Variants in CSGALNACT1 observed in about 807,000 individuals in gnomAD.
CSGALNACT1 encodes chondroitin sulfate N-acetylgalactosaminyltransferase 1.
A neutral mutation model predicts 51.0 loss-of-function variants in CSGALNACT1; 52 were observed. The ratio of observed to expected loss-of-function variants is 1.02; its 90% confidence interval spans 0.82 to 1.29. The LOEUF (loss-of-function observed/expected upper bound fraction) is 1.29, where lower values mean the gene tolerates loss of function less well. CSGALNACT1 is among the 50% of genes most tolerant of loss of function. CSGALNACT1 has a pLI of 0.00. For synonymous variants in CSGALNACT1, 341 were observed against 254.4 expected (o/e 1.34, Z -3.24); for missense variants, 935 against 679.2 (o/e 1.38, Z -4.19).
chr8:19,437,578 A>C (rs2060583207), intron 6 of CSGALNACT1, among the ~76,000 whole-genome samples: 1 of 152,176 alleles, frequency 6.6e-6, no homozygotes. Flanking sequence ...TACAGATATC[A>C]CTGGTTAACA....
chr8:19,608,890 A>G (rs1016619885), intron 1 of CSGALNACT1, among the ~76,000 whole-genome samples: 2 of 152,230 alleles, frequency 1.3e-5, no homozygotes, highest in Non-Finnish European at 2.9e-5. Flanking sequence ...GAATGTCAAC[A>G]GTTGAGAGAT....
intron 3 of CSGALNACT1, among the ~76,000 whole-genome samples, chr8:19,520,219 T>G (rs983662780): frequency 6.6e-6 from 1 of 152,254 alleles, no homozygotes; most frequent in Non-Finnish European, 1.5e-5. Flanking sequence ...TGCAGAATTA[T>G]TTTAGAAACT....
chr8:19,445,191 C>A (rs866544870), intron 5 of CSGALNACT1, among the ~76,000 whole-genome samples: 1 of 152,200 alleles, frequency 6.6e-6, no homozygotes, highest in Middle Eastern at 3.2e-3. Context: ...ATCCTCTGTA[C>A]ATAAAAGATC....
At chr8:19,471,724 G>T (rs964151017) in intron 4 of CSGALNACT1, among the ~76,000 whole-genome samples, 1 of 152,178 alleles carries the variant, frequency 6.6e-6, no homozygotes, top group Admixed American at 6.5e-5. Context: ...GACAGGAAAG[G>T]GTGAAAGCTT....
chr8:19,464,186 T>G (rs1563543896), intron 4 of CSGALNACT1, among the ~76,000 whole-genome samples: 1 of 152,174 alleles, frequency 6.6e-6, no homozygotes, highest in Non-Finnish European at 1.5e-5. Flanking sequence ...GTCTCCACAT[T>G]CATCCCTGCC....
At chr8:19,628,352 C>T (rs1471413255) in intron 1 of CSGALNACT1, among the ~76,000 whole-genome samples, 3 of 152,184 alleles carry the variant, frequency 2.0e-5, no homozygotes, top group African/African-American at 7.2e-5. Context: ...ACTTTTAAGA[C>T]CATCAGCTCT....
chr8:19,470,080 T>C (rs750407588), intron 4 of CSGALNACT1, among the ~76,000 whole-genome samples: 4 of 151,854 alleles, frequency 2.6e-5, no homozygotes, highest in Admixed American at 6.6e-5. Context: ...AAGGAACAAA[T>C]AGAAATGGAT....
At chr8:19,667,029 AAG>A (rs1564386738) in intron 1 of CSGALNACT1, among the ~76,000 whole-genome samples, 1 of 37,958 alleles carries the variant, frequency 2.6e-5, no homozygotes, top group African/African-American at 1.8e-4. Context: ...GGAAGGAAGG[AAG>A]GAAGGAAGGA....
At position 19,488,071 on chromosome 8, in the gene CSGALNACT1, T is replaced by A. The variant is rs371005107; in HGVS notation, c.634+17130A>T. Among the ~76,000 whole-genome samples the A allele has an allele frequency of 5.9e-5, 9 of 152,174 alleles. No individual in the cohort carries two copies. In the East Asian group the frequency reaches 1.7e-3, roughly 30 times the overall value. ...TAATCATAGTATTAGTACAGGGGGC[T>A]GGGCTCAGTGGCTCATGCCTGTAAT... On this transcript the variant is annotated intron_variant, in intron 4 of 9. Transcript: ENST00000454498.
intron 4 of CSGALNACT1, among the ~76,000 whole-genome samples, chr8:19,499,810 T>A (rs772301799): frequency 1.3e-5 from 2 of 152,218 alleles, no homozygotes; most frequent in African/African-American, 4.8e-5. Flanking sequence ...ATTAAGAATG[T>A]CAATTCTGAG....
intron 4 of CSGALNACT1, among the ~76,000 whole-genome samples, chr8:19,490,405 G>T (rs958551049): frequency 6.6e-6 from 1 of 152,102 alleles, no homozygotes; most frequent in Non-Finnish European, 1.5e-5. Flanking sequence ...GAGGTGTTTT[G>T]TTCTTTTTCC....
At chr8:19,591,208 T>C (rs955985257) in exon 3 of CSGALNACT1, 2 of 152,246 alleles carry the variant, frequency 1.3e-5, no homozygotes, top group African/African-American at 4.8e-5. Context: ...GTCTCACTAC[T>C]AGTGGAAGGT....
chr8:19,637,447 T>C (rs1286298516), intron 1 of CSGALNACT1, among the ~76,000 whole-genome samples: 4 of 152,240 alleles, frequency 2.6e-5, no homozygotes, highest in African/African-American at 9.6e-5. Context: ...CTTTTTTGTA[T>C]GATAATGTCA....
At chr8:19,525,888 G>A (rs562200886) in intron 3 of CSGALNACT1, among the ~76,000 whole-genome samples, 61 of 152,176 alleles carry the variant, frequency 4.0e-4, no homozygotes, top group African/African-American at 1.3e-3. Flanking sequence ...TACTGCCAGC[G>A]TCAGTGCTGC....
At chr8:19,434,264 T>C (rs1476464877) in intron 6 of CSGALNACT1, among the ~76,000 whole-genome samples, 1 of 152,230 alleles carries the variant, frequency 6.6e-6, no homozygotes, top group Non-Finnish European at 1.5e-5. Context: ...TGCACTAATA[T>C]CATTTAATTG....
At chr8:19,480,305 C>T (rs888955850) in intron 4 of CSGALNACT1, among the ~76,000 whole-genome samples, 41 of 152,096 alleles carry the variant, frequency 2.7e-4, no homozygotes, top group African/African-American at 9.7e-4. Flanking sequence ...TGTTGTTGCC[C>T]TCTATGTGTC....
At chr8:19,670,650 C>CAAGAA (rs2059723370) in intron 1 of CSGALNACT1, among the ~76,000 whole-genome samples, 1 of 92,848 alleles carries the variant, frequency 1.1e-5, no homozygotes, top group African/African-American at 4.2e-5. Context: ...CTACTGAAGA[C>CAAGAA]AAAAAAAAAA....
chr8:19,612,558 T>G (rs948154678), intron 1 of CSGALNACT1, among the ~76,000 whole-genome samples: 6 of 152,068 alleles, frequency 3.9e-5, no homozygotes, highest in Admixed American at 3.9e-4. Flanking sequence ...ACTTCCCTGT[T>G]CTGCTAGGCA....
intron 3 of CSGALNACT1, among the ~76,000 whole-genome samples, chr8:19,507,204 GAGA>G (rs988236772): frequency 6.6e-6 from 1 of 152,290 alleles, no homozygotes; most frequent in Admixed American, 6.5e-5. Context: ...ATGAGGATGG[GAGA>G]AGAAGAGAGA....
Sources: gnomAD v4.1 joint callset for allele counts (sites outside exome capture counted in the v4.1 genomes callset) on GRCh38, gnomAD v4.1.1 for gene constraint, MANE v1.5 for transcripts, NCBI Gene and HGNC (gene_info 2026-07-23, HGNC 2026-07-21) for gene names.